The following WWOX variants were observed in gnomAD, a reference collection of about 807,000 sequenced individuals.
WWOX encodes the protein WW domain-containing oxidoreductase.
WWOX carries 69 observed loss-of-function variants against 46.2 expected under a neutral mutation model. The observed-to-expected ratio is 1.49, with a 90% confidence interval of 1.23 to 1.82. WWOX has a LOEUF of 1.82. Among genes scored for constraint, WWOX ranks in the 40% most tolerant of loss-of-function variants. The pLI is 0.00. For synonymous variants in WWOX, 359 were observed against 202.6 expected (o/e 1.77, Z -6.56); for missense variants, 919 against 542.6 (o/e 1.69, Z -6.89).
chr16:78,217,094 G>A (rs1046239299), intron 5 of WWOX, among the ~76,000 whole-genome samples: 5 of 152,130 alleles, frequency 3.3e-5, no homozygotes, highest in African/African-American at 7.2e-5. Context: ...CCTTTGCCAC[G>A]CAGTCTACCA....
At chr16:79,184,831 C>T (rs921250488) in intron 8 of WWOX, among the ~76,000 whole-genome samples, 9 of 152,298 alleles carry the variant, frequency 5.9e-5, no homozygotes, top group African/African-American at 1.9e-4. Context: ...ATGCTCTTGG[C>T]AGTGAGACAG....
chr16:78,805,036 C>G (rs1412898025), intron 8 of WWOX, among the ~76,000 whole-genome samples: 1 of 152,220 alleles, frequency 6.6e-6, no homozygotes, highest in Non-Finnish European at 1.5e-5. Context: ...CCCCTTTCTC[C>G]TGATATTTGC....
chr16:78,339,561 G>T (rs1387932341), intron 5 of WWOX, among the ~76,000 whole-genome samples: 1 of 119,168 alleles, frequency 8.4e-6, no homozygotes, highest in African/African-American at 2.8e-5. Flanking sequence ...TATTGGTTTG[G>T]TTATTGTTTT....
At chr16:78,436,821 G>T (rs1977025) in intron 8 of WWOX, among the ~76,000 whole-genome samples, 34 of 152,140 alleles carry the variant, frequency 2.2e-4, no homozygotes, top group African/African-American at 8.2e-4. Context: ...GCTATCCTGC[G>T]TATGTGGCTC....
At chr16:78,907,567 G>C (rs532091721) in intron 8 of WWOX, among the ~76,000 whole-genome samples, 111 of 152,282 alleles carry the variant, frequency 7.3e-4, no homozygotes, top group Admixed American at 3.0e-3. Context: ...CCAAGCCCAG[G>C]AATGACTAAG....
intron 8 of WWOX, among the ~76,000 whole-genome samples, chr16:79,193,658 G>T (rs540060518): frequency 2.5e-4 from 38 of 152,138 alleles, no homozygotes; most frequent in Non-Finnish European, 5.3e-4. Context: ...TTTTCTTACT[G>T]CCGGTCACCT....
chr16:79,013,939 C>T (rs2047362839), intron 8 of WWOX, among the ~76,000 whole-genome samples: 1 of 152,144 alleles, frequency 6.6e-6, no homozygotes, highest in Non-Finnish European at 1.5e-5. Flanking sequence ...CACCTCCTCC[C>T]CAGAGAGGAA....
rs1345317451 is a variant in WWOX at position 78,345,092 on chromosome 16, T to A, written c.517-41768T>A. Among the ~76,000 whole-genome samples, 5 of 118,734 alleles carry A rather than the reference T, an allele frequency of 4.2e-5. 1 individual carries two copies. Among genetic ancestry groups the A allele is most frequent in the East Asian group, 3.9e-4 (2 of 5,156 alleles). 77.9% of individuals were successfully genotyped at this position (118,734 alleles called of 152,430 possible). ...TAGGAGATTGTCCTGGATGTCGTTTTCTCATAAAGTTGACTATGGCTATTG... is the reference window on the plus strand; with the variant it reads ...TAGGAGATTGTCCTGGATGTCGTTTACTCATAAAGTTGACTATGGCTATTG... On this transcript the variant is annotated intron_variant, in intron 5 of 8. Coordinates refer to ENST00000566780, the MANE Select transcript of WWOX (RefSeq NM_016373.4).
intron 8 of WWOX, among the ~76,000 whole-genome samples, chr16:78,547,145 A>AAC (rs2044056638): frequency 1.1e-5 from 1 of 93,986 alleles, no homozygotes; most frequent in African/African-American, 2.9e-5. Flanking sequence ...AAAAAAAAAA[A>AAC]AAAAAAAAAA....
At chr16:78,963,910 C>G (rs1003152733) in intron 8 of WWOX, among the ~76,000 whole-genome samples, 1 of 152,116 alleles carries the variant, frequency 6.6e-6, no homozygotes, top group East Asian at 1.9e-4. Flanking sequence ...CCATGTTATT[C>G]TTATGAAAGT....
intron 8 of WWOX, among the ~76,000 whole-genome samples, chr16:78,727,973 C>G (rs576195001): frequency 6.8e-6 from 1 of 146,022 alleles, no homozygotes; most frequent in Non-Finnish European, 1.5e-5. Context: ...TAGTCAAATT[C>G]TTTATTAATT....
intron 5 of WWOX, among the ~76,000 whole-genome samples, chr16:78,266,451 C>T (rs927001893): frequency 2.6e-5 from 4 of 152,078 alleles, no homozygotes; most frequent in African/African-American, 9.7e-5. Flanking sequence ...TGCTCCTTTC[C>T]AGAAAGCTTG....
At chr16:78,933,868 T>C (rs2045677204) in intron 8 of WWOX, among the ~76,000 whole-genome samples, 1 of 151,810 alleles carries the variant, frequency 6.6e-6, no homozygotes, top group Non-Finnish European at 1.5e-5. Flanking sequence ...CAACATGAGA[T>C]TTGGGTGGGG....
intron 8 of WWOX, among the ~76,000 whole-genome samples, chr16:78,580,271 A>G (rs1202050421): frequency 6.6e-6 from 1 of 152,022 alleles, no homozygotes; most frequent in Non-Finnish European, 1.5e-5. Flanking sequence ...ATGGGGTCTC[A>G]CTATGTTGCC....
chr16:78,903,610 G>T (rs1354996198), intron 8 of WWOX, among the ~76,000 whole-genome samples: 1 of 152,174 alleles, frequency 6.6e-6, no homozygotes, highest in African/African-American at 2.4e-5. Flanking sequence ...TTTCCTTTCA[G>T]TTTGGTTCTA....
intron 8 of WWOX, among the ~76,000 whole-genome samples, chr16:78,802,228 T>G (rs1207328490): frequency 8.3e-6 from 1 of 120,514 alleles, no homozygotes; most frequent in East Asian, 2.5e-4. Flanking sequence ...TTTTTTTGGC[T>G]GGTGTTTACT....
intron 8 of WWOX, among the ~76,000 whole-genome samples, chr16:78,583,620 C>G (rs2045117940): frequency 1.3e-5 from 2 of 152,116 alleles, no homozygotes; most frequent in African/African-American, 4.8e-5. Flanking sequence ...GGGATTGACC[C>G]AGTGATAACA....
intron 8 of WWOX, among the ~76,000 whole-genome samples, chr16:78,945,440 A>C (rs1015703500): frequency 6.6e-6 from 1 of 152,230 alleles, no homozygotes; most frequent in Non-Finnish European, 1.5e-5. Flanking sequence ...GATCAAAATC[A>C]GGTTTGAAAG....
rs1597336669 is a variant in WWOX at position 78,194,129 on chromosome 16, C to T, written c.516+29840C>T. 2.0e-5 allele frequency among the ~76,000 whole-genome samples: 3 copies of T among 151,884 alleles called. 1 individual carries two copies. In the South Asian group the frequency reaches 6.3e-4, roughly 32 times the overall value. ...TCCTGACCTCGTGATCCGTCCGCCT[C>T]GGCCTCCCAAAGTGCTGGGATTACA... On this transcript the variant is annotated intron_variant, in intron 5 of 8. Transcript: ENST00000566780.
Sources: gnomAD v4.1 joint callset for allele counts (sites outside exome capture counted in the v4.1 genomes callset) on GRCh38, gnomAD v4.1.1 for gene constraint, MANE v1.5 for transcripts, NCBI Gene and HGNC (gene_info 2026-07-23, HGNC 2026-07-21) for gene names.